CDC14A: variants seen among roughly 807,000 people sequenced by gnomAD.
CDC14A encodes dual specificity protein phosphatase CDC14A.
CDC14A carries 53 observed loss-of-function variants against 74.4 expected under a neutral mutation model. The ratio of observed to expected loss-of-function variants is 0.71; its 90% CI spans 0.57 to 0.89. The LOEUF is 0.89. Ranked by LOEUF, CDC14A falls within the 40% of genes least tolerant of loss-of-function variation. The probability of loss-of-function intolerance (pLI) is 0.00; values close to 1 mark genes in which losing one functional copy is unlikely to be tolerated. For missense variants in CDC14A, 646 were observed against 713.7 expected (o/e 0.91, Z 1.08); for synonymous variants, 247 against 258.4 (o/e 0.96, Z 0.43).
intron 10 of CDC14A, among the ~76,000 whole-genome samples, chr1:100,483,915 C>A (rs1190923701): frequency 1.3e-5 from 2 of 149,842 alleles, no homozygotes; most frequent in Non-Finnish European, 2.9e-5. Context: ...TCCAGTTATT[C>A]TCTCTGTTTT....
intron 8 of CDC14A, among the ~76,000 whole-genome samples, chr1:100,457,189 TTG>T (rs1008601253): frequency 1.3e-5 from 2 of 152,212 alleles, no homozygotes; most frequent in Admixed American, 6.5e-5. Context: ...TAATGAGAAA[TTG>T]AGAGATATAA....
chr1:100,510,759 G>A (rs1649689973), intron 15 of CDC14A, among the ~76,000 whole-genome samples: 1 of 152,054 alleles, frequency 6.6e-6, no homozygotes. Context: ...TTGCCAATTG[G>A]CTCCATCTCA....
Position 100,429,206 on chromosome 1 carries a change from A to AAAAT in CDC14A, c.389+4931_389+4934dup, listed in dbSNP as rs10529924. Among the ~76,000 whole-genome samples the AAAAT allele has an allele frequency of 1.5e-3, 165 of 113,396 alleles. 1 individual carries two copies. Among genetic ancestry groups the AAAAT allele is most frequent in the East Asian group, 0.013 (59 of 4,514 alleles). 74.4% of individuals were successfully genotyped at this position (113,396 alleles called of 152,430 possible). On this transcript the variant is annotated intron_variant, in intron 5 of 15. Transcript: ENST00000336454. ...GCAACAGAACAAGACTCCATCTCAA[A>AAAAT]AAATAAATAAATAAATAAATAAATA... is the stretch of plus-strand genomic sequence containing the variant.
At position 100,499,413 on chromosome 1, in the gene CDC14A, A is replaced by G. The variant is rs571214442; in HGVS notation, c.1755+151A>G. The G allele has an allele frequency of 2.1e-5, 33 of 1,548,098 alleles. No homozygotes were observed. In the Admixed American group the frequency reaches 3.1e-4, roughly 15 times the overall value. On this transcript the variant is annotated intron_variant, in intron 15 of 15. Transcript: ENST00000336454. ...TTCCCTCTGTGCTGTGAAACTGTCTATGCACTACATTCTGCTAGCTCCTCT... is the reference window on the plus strand; with the variant it reads ...TTCCCTCTGTGCTGTGAAACTGTCTGTGCACTACATTCTGCTAGCTCCTCT...
At chr1:100,484,662 A>C (rs1669852740) in intron 11 of CDC14A, 1 of 1,151,768 alleles carries the variant, frequency 8.7e-7, no homozygotes, top group African/African-American at 1.6e-5. Context: ...GGAGTAAATT[A>C]TAAAGGAGGC....
intron 7 of CDC14A, among the ~76,000 whole-genome samples, chr1:100,453,335 G>T (rs1225961469): frequency 6.6e-6 from 1 of 152,106 alleles, no homozygotes; most frequent in Admixed American, 6.5e-5. Context: ...GGTGGTCAAG[G>T]ATACAGAAAT....
intron 2 of CDC14A, among the ~76,000 whole-genome samples, chr1:100,359,422 A>T (rs945107793): frequency 2.0e-5 from 3 of 152,192 alleles, no homozygotes; most frequent in Admixed American, 2.0e-4. Flanking sequence ...CCTGAGACTG[A>T]TGCCAATGGG....
chr1:100,480,249 A>G (rs1045037370), intron 10 of CDC14A, among the ~76,000 whole-genome samples: 1 of 152,150 alleles, frequency 6.6e-6, no homozygotes, highest in African/African-American at 2.4e-5. Flanking sequence ...GAATCATTCA[A>G]TATTTGTCGT....
intron 5 of CDC14A, among the ~76,000 whole-genome samples, chr1:100,431,122 C>G (rs534387665): frequency 6.6e-5 from 10 of 152,234 alleles, no homozygotes; most frequent in East Asian, 3.9e-4. Flanking sequence ...TCAGAGTTTT[C>G]TTGTTAAAGT....
chr1:100,501,649 CCTT>C (rs1648745044), intron 15 of CDC14A, among the ~76,000 whole-genome samples: 1 of 152,160 alleles, frequency 6.6e-6, no homozygotes, highest in Non-Finnish European at 1.5e-5. Context: ...AGAGTATACA[CCTT>C]CTCCTTATTA....
intron 8 of CDC14A, among the ~76,000 whole-genome samples, chr1:100,461,846 G>A (rs1294874081): frequency 1.3e-5 from 2 of 152,106 alleles, no homozygotes; most frequent in Non-Finnish European, 2.9e-5. Context: ...TATATTTATG[G>A]TGTACAACAA....
chr1:100,354,870 T>A (rs570227744), intron 2 of CDC14A, among the ~76,000 whole-genome samples: 29 of 152,350 alleles, frequency 1.9e-4, no homozygotes, highest in African/African-American at 6.3e-4. Flanking sequence ...TACTACCAGG[T>A]CTTCGAAGAG....
At chr1:100,466,806 G>A (rs1034245613) in intron 9 of CDC14A, among the ~76,000 whole-genome samples, 3 of 148,340 alleles carry the variant, frequency 2.0e-5, no homozygotes, top group African/African-American at 5.0e-5. Flanking sequence ...GGAGGTGGAG[G>A]TTGTGGTGAG....
At chr1:100,390,853 A>G (rs753571855) in intron 4 of CDC14A, 29 bp downstream of exon 4, 7 of 1,493,588 alleles carry the variant, frequency 4.7e-6, no homozygotes, top group Admixed American at 3.3e-5. Context: ...ATTATTTTCT[A>G]TAATCAGGCC....
chr1:100,434,735 GT>G (rs571557424), intron 5 of CDC14A, among the ~76,000 whole-genome samples: 1 of 151,272 alleles, frequency 6.6e-6, no homozygotes, highest in East Asian at 1.9e-4. Flanking sequence ...CGTTGCAGTT[GT>G]TTTTTTTTGG....
intron 4 of CDC14A, among the ~76,000 whole-genome samples, chr1:100,400,551 C>T (rs2101011797): frequency 6.6e-6 from 1 of 152,236 alleles, no homozygotes; most frequent in Admixed American, 6.5e-5. Flanking sequence ...TGGGCAATTT[C>T]CTGTTTGCAG....
intron 8 of CDC14A, chr1:100,462,356 T>G (rs746305132): frequency 1.6e-4 from 59 of 372,982 alleles, no homozygotes; most frequent in Non-Finnish European, 2.6e-4. Flanking sequence ...CAAGAATGCT[T>G]TTGTCTTGGG....
chr1:100,491,057 A>T (rs1670563098), intron 11 of CDC14A, among the ~76,000 whole-genome samples: 1 of 152,176 alleles, frequency 6.6e-6, no homozygotes, highest in Admixed American at 6.5e-5. Context: ...AACCATGTAT[A>T]TATAAGAGTA....
intron 2 of CDC14A, among the ~76,000 whole-genome samples, chr1:100,368,973 G>A (rs1328387393): frequency 1.3e-5 from 2 of 152,140 alleles, no homozygotes; most frequent in African/African-American, 4.8e-5. Context: ...GGGTTGAATG[G>A]TAGTTCTGTT....
Sources: allele counts gnomAD v4.1 joint callset (sites outside exome capture counted in the v4.1 genomes callset), GRCh38; gene constraint gnomAD v4.1.1; transcripts MANE v1.5; gene names NCBI Gene and HGNC (gene_info 2026-07-23, HGNC 2026-07-21).